CRK: variants seen among roughly 807,000 people sequenced by gnomAD.
The protein encoded by CRK is CRK proto-oncogene, adaptor protein.
Under a neutral mutation model 29.8 loss-of-function variants are expected in CRK, and 4 were observed. That is an observed-to-expected ratio of 0.13 (90% CI 0.07 to 0.31). The LOEUF (loss-of-function observed/expected upper bound fraction) is 0.31. CRK is among the 10% of genes least tolerant of loss of function. The pLI, the probability that CRK is intolerant of heterozygous loss-of-function variation, is 1.00. For missense variants in CRK, 274 were observed against 396.5 expected, an observed-to-expected ratio of 0.69 and a Z score of 2.62; for synonymous variants, 153 against 164.9, an observed-to-expected ratio of 0.93 and a Z score of 0.55.
In CRK at chr17:1,442,676, C is replaced by A. The variant is rs1048279163; in HGVS notation, c.242-5521G>T. On this transcript the variant is annotated intron_variant, in intron 1 of 2. Transcript: ENST00000300574. ...AAGCTGGAGTGCAGTGGCTGGATGT[C>A]GGCTCACTGCAACCTCCACCCTCTG... Among the ~76,000 whole-genome samples, 6 of 132,640 alleles carry A rather than the reference C, an allele frequency of 4.5e-5. No homozygotes were observed. In the South Asian group the frequency reaches 1.0e-3, roughly 22 times the overall value. 87.0% of individuals were successfully genotyped at this position (132,640 alleles called of 152,430 possible).
In CRK at chr17:1,456,222, G is replaced by A. The variant is rs981835278; in HGVS notation, c.-105C>T. 3.1e-6 allele frequency: 4 copies of A among 1,297,652 alleles called. No homozygotes were observed. Among genetic ancestry groups the A allele is most frequent in the Non-Finnish European group, 3.9e-6 (4 of 1,023,176 alleles). 80.4% of individuals were successfully genotyped at this position (1,297,652 alleles called of 1,614,324 possible). A position where few individuals can be genotyped will look rare whatever the true frequency, so the allele number is the denominator to read the frequency against. Reference sequence around the variant, plus strand: ...CGGCTCCGGTTTCAGCTTCACAGCAGCGCCCGAAATGGCGGCGGCAGCCGC... The same window carrying A: ...CGGCTCCGGTTTCAGCTTCACAGCAACGCCCGAAATGGCGGCGGCAGCCGC... On this transcript the variant is annotated 5_prime_UTR_variant, in exon 1 of 3. Coordinates refer to ENST00000300574, the MANE Select transcript of CRK (RefSeq NM_016823.4).
Position 1,456,201 on chromosome 17 carries a change from T to C in CRK, c.-84A>G. 1 of 1,347,784 alleles carries C rather than the reference T, an allele frequency of 7.4e-7. No individual in the cohort carries two copies. Among genetic ancestry groups the C allele is most frequent in the Non-Finnish European group, 9.5e-7 (1 of 1,054,920 alleles). The allele number at this position is 1,347,784 out of a possible 1,614,324, so 83.5% of individuals were successfully genotyped here. A position where few individuals can be genotyped will look rare whatever the true frequency, so the allele number is the denominator to read the frequency against. On this transcript the variant is annotated 5_prime_UTR_variant, in exon 1 of 3. Transcript: ENST00000300574. ...GGCGCCCGCCGCCCAGCGGACCGGC[T>C]CCGGTTTCAGCTTCACAGCAGCGCC...
intron 2 of CRK, chr17:1,424,814 G>C (rs1301463612): frequency 6.6e-6 from 1 of 152,064 alleles, no homozygotes; most frequent in Non-Finnish European, 1.5e-5. Flanking sequence ...AGGAGTTTTT[G>C]AGACCAGCCT....
In CRK at chr17:1,453,919, A is replaced by G. The variant is rs899799488; in HGVS notation, c.241+1958T>C. Reference sequence around the variant, plus strand: ...GCGAAACTCCGCCTCAAACAAACAAAGCTGGGTGCGGTGGCCCACGCCTGT... The same window carrying G: ...GCGAAACTCCGCCTCAAACAAACAAGGCTGGGTGCGGTGGCCCACGCCTGT... On this transcript the variant is annotated intron_variant, in intron 1 of 2. Coordinates refer to ENST00000300574, the MANE Select transcript of CRK (RefSeq NM_016823.4). Among the ~76,000 whole-genome samples, 10 of 141,016 alleles carry G rather than the reference A, an allele frequency of 7.1e-5. 1 individual carries two copies. Among genetic ancestry groups the G allele is most frequent in the African/African-American group, 2.7e-4 (10 of 37,084 alleles). 92.5% of individuals were successfully genotyped at this position (141,016 alleles called of 152,430 possible).
intron 1 of CRK, 94 bp from the exon 2 acceptor site, chr17:1,437,249 A>C: frequency 3.4e-5 from 46 of 1,350,068 alleles, no homozygotes; most frequent in Non-Finnish European, 4.1e-5. Context: ...TTGGGATCTC[A>C]CTATGTTACC....
chr17:1,434,849 AC>A (rs1394113577), intron 2 of CRK, among the ~76,000 whole-genome samples: 1 of 151,908 alleles, frequency 6.6e-6, no homozygotes, highest in Non-Finnish European at 1.5e-5. Context: ...AGGAAAACTT[AC>A]TAAAATCATA....
intron 2 of CRK, among the ~76,000 whole-genome samples, chr17:1,427,941 C>CT (rs2150900170): frequency 6.6e-6 from 1 of 150,864 alleles, no homozygotes; most frequent in South Asian, 2.1e-4. Context: ...CCTATATTGT[C>CT]TTTATTCTTA....
intron 2 of CRK, among the ~76,000 whole-genome samples, chr17:1,430,924 C>A (rs1005626711): frequency 6.6e-6 from 1 of 151,392 alleles, no homozygotes; most frequent in Non-Finnish European, 1.5e-5. Flanking sequence ...AAAAATTAAC[C>A]GGGCGTGGTA....
chr17:1,454,640 G>A (rs916700432), intron 1 of CRK, among the ~76,000 whole-genome samples: 1 of 152,170 alleles, frequency 6.6e-6, no homozygotes. Context: ...TACAAAGGAC[G>A]GCTCAAGAGC....
At chr17:1,451,722 A>G (rs901811091) in intron 1 of CRK, among the ~76,000 whole-genome samples, 2 of 151,932 alleles carry the variant, frequency 1.3e-5, no homozygotes, top group Admixed American at 6.6e-5. Context: ...GTGGGGGGAA[A>G]AAAAAACAAA....
chr17:1,422,858 C>T lies in CRK; in HGVS notation c.*655G>A, dbSNP rs914722352. ...GCTTTTCACCTGGAATGAAAATACACACTTATCTTAGGAATTCACCTACTT... is the reference window on the plus strand; with the variant it reads ...GCTTTTCACCTGGAATGAAAATACATACTTATCTTAGGAATTCACCTACTT... On this transcript the variant is annotated 3_prime_UTR_variant, in exon 3 of 3. Transcript: ENST00000300574. The T allele has an allele frequency of 2.5e-5, 10 of 398,308 alleles. No homozygotes were observed. The highest frequency in any genetic ancestry group is 2.1e-4 in the African/African-American group (10 of 48,624). The allele number at this position is 398,308 out of a possible 1,614,324, so 24.7% of individuals were successfully genotyped here. A position where few individuals can be genotyped will look rare whatever the true frequency, so the allele number is the denominator to read the frequency against.
intron 1 of CRK, among the ~76,000 whole-genome samples, chr17:1,451,367 A>T (rs1425763566): frequency 6.6e-6 from 1 of 151,044 alleles, no homozygotes; most frequent in Admixed American, 6.6e-5. Flanking sequence ...AGCAGCTAGG[A>T]TTACAGGCGT....
chr17:1,439,306 C>T (rs755704956), intron 1 of CRK, among the ~76,000 whole-genome samples: 2 of 152,030 alleles, frequency 1.3e-5, no homozygotes, highest in Non-Finnish European at 2.9e-5. Context: ...ACCGTGTTAG[C>T]CAGGATGGTC....
chr17:1,429,390 T>C (rs1245640042), intron 2 of CRK, among the ~76,000 whole-genome samples: 1 of 151,826 alleles, frequency 6.6e-6, no homozygotes, highest in Non-Finnish European at 1.5e-5. Flanking sequence ...TCTTGTGCCT[T>C]AGGCTCCCAA....
chr17:1,427,823 C>CG (rs925816737), intron 2 of CRK, among the ~76,000 whole-genome samples: 5 of 151,580 alleles, frequency 3.3e-5, no homozygotes, highest in African/African-American at 9.7e-5. Context: ...TTAGTAGAGA[C>CG]GGGGTCTCAC....
intron 1 of CRK, among the ~76,000 whole-genome samples, chr17:1,453,274 C>G (rs1182884269): frequency 6.6e-6 from 1 of 152,168 alleles, no homozygotes; most frequent in Admixed American, 6.6e-5. Context: ...AAAGGTGGTG[C>G]TCGATTATCA....
At chr17:1,437,292 T>A in intron 1 of CRK, 137 bp from the exon 2 acceptor site, 2 of 909,882 alleles carry the variant, frequency 2.2e-6, no homozygotes, top group East Asian at 2.7e-5. Flanking sequence ...GCTCAAGTGA[T>A]CCTCTCACCA....
intron 2 of CRK, among the ~76,000 whole-genome samples, chr17:1,430,397 C>A (rs1406046623): frequency 2.0e-5 from 3 of 150,384 alleles, no homozygotes; most frequent in Non-Finnish European, 4.4e-5. Context: ...CGCTCTGTCG[C>A]CCAGGCTGGA....
At chr17:1,455,352 T>C (rs999353186) in intron 1 of CRK, among the ~76,000 whole-genome samples, 3 of 152,116 alleles carry the variant, frequency 2.0e-5, no homozygotes, top group Non-Finnish European at 2.9e-5. Flanking sequence ...AGGAAAAAAT[T>C]GACCGGTTTC....
Sources: allele counts gnomAD v4.1 joint callset (sites outside exome capture counted in the v4.1 genomes callset), GRCh38; gene constraint gnomAD v4.1.1; transcripts MANE v1.5; gene names NCBI Gene and HGNC (gene_info 2026-07-23, HGNC 2026-07-21).